The following SYT7 variants were observed in gnomAD, a reference collection of about 807,000 sequenced individuals.
SYT7 encodes the protein synaptotagmin-7.
In SYT7, 29 loss-of-function variants were observed where a neutral mutation model predicts 75.1. The observed-to-expected ratio is 0.39, with a 90% CI of 0.29 to 0.53. The LOEUF (loss-of-function observed/expected upper bound fraction) is 0.53, where lower values mean the gene tolerates loss of function less well. SYT7 is among the 20% of genes least tolerant of loss of function. The pLI is 0.77. For missense variants in SYT7, 693 were observed against 953.2 expected, an observed-to-expected ratio of 0.73 and a Z score of 3.59; for synonymous variants, 376 against 401.7, an observed-to-expected ratio of 0.94 and a Z score of 0.76.
chr11:61,568,768 A>G (rs995395121), intron 1 of SYT7, among the ~76,000 whole-genome samples: 1 of 152,226 alleles, frequency 6.6e-6, no homozygotes, highest in Non-Finnish European at 1.5e-5. Context: ...GGAAGAGAGT[A>G]ACACCTTGAA....
At chr11:61,566,325 C>G (rs965496794) in intron 1 of SYT7, among the ~76,000 whole-genome samples, 1 of 152,240 alleles carries the variant, frequency 6.6e-6, no homozygotes, top group Admixed American at 6.5e-5. Context: ...CCCACAATTC[C>G]TGGCCTAGGG....
At chr11:61,531,891 CAAA>C (rs58242073) in intron 8 of SYT7, among the ~76,000 whole-genome samples, 140 of 49,410 alleles carry the variant, frequency 2.8e-3, no homozygotes, top group African/African-American at 7.1e-3. Flanking sequence ...GATTCTGTCT[CAAA>C]AAAAAAAAAA....
rs930768884 is a variant in SYT7 at position 61,514,449 on chromosome 11, C to T, written c.*4178G>A. Among the ~76,000 whole-genome samples, 2 of 152,338 alleles carry T rather than the reference C, an allele frequency of 1.3e-5. No individual in the cohort carries two copies. The highest frequency in any genetic ancestry group is 2.4e-5 in the African/African-American group (1 of 41,572). ...GGAGCAGAGGGCGGATGGGATGGCC[C>T]GCTTCACTCCTGGTGGGGGCAGGGG... On this transcript the variant is annotated 3_prime_UTR_variant, in exon 13 of 13. Transcript: ENST00000539008.
rs1222997693 is a variant in SYT7 at position 61,553,229 on chromosome 11, T to C, written c.136-1766A>G. The stretch of plus-strand genomic sequence containing the variant: ...CAATTCCCAGTTCCAACTGGGAAGA[T>C]CCTATGCGGCTGTGCCACAGTGACC... On this transcript the variant is annotated intron_variant, in intron 2 of 12. Transcript: ENST00000539008. The surrounding 1 kb of genome is among the most constrained non-coding windows in gnomAD (Gnocchi z 5.2). Among the ~76,000 whole-genome samples the C allele has an allele frequency of 6.6e-6, 1 of 152,186 alleles. No homozygotes were observed. The highest frequency in any genetic ancestry group is 1.5e-5 in the Non-Finnish European group (1 of 68,032).
chr11:61,540,726 T>G (rs2063015981), intron 6 of SYT7: 1 of 985,306 alleles, frequency 1.0e-6, no homozygotes, highest in African/African-American at 1.7e-5. Context: ...GTGACAGCTG[T>G]GATAAGACAG....
In SYT7 at chr11:61,581,042, G is replaced by A. The variant is rs1464391683; in HGVS notation, c.-222C>T. 2.7e-4 allele frequency: 192 copies of A among 705,474 alleles called. No homozygotes were observed. The highest frequency in any genetic ancestry group is 3.1e-4 in the Non-Finnish European group (179 of 579,004). 43.7% of individuals were successfully genotyped at this position (705,474 alleles called of 1,614,324 possible). ...GCTGCCGCCGCCGCCGAACAGCGCC[G>A]AGCCGCCTCCCTCCGGCCTGCGCGC... is the stretch of plus-strand genomic sequence containing the variant. On this transcript the variant is annotated 5_prime_UTR_variant, in exon 1 of 13. Transcript: ENST00000539008.
chr11:61,556,301 A>C, intron 1 of SYT7, 94 bp from the exon 2 acceptor site: 9 of 971,642 alleles, frequency 9.3e-6, no homozygotes, highest in African/African-American at 1.6e-5. Flanking sequence ...CCTACCCTCC[A>C]TCTGGCCCCT....
intron 7 of SYT7, among the ~76,000 whole-genome samples, chr11:61,534,056 G>A (rs1359736052): frequency 1.3e-5 from 2 of 152,218 alleles, no homozygotes; most frequent in African/African-American, 4.8e-5. Flanking sequence ...TGGGGGTCAG[G>A]AAGGGGGCAC....
In SYT7 at chr11:61,514,040, G is replaced by A. The variant is rs989522593; in HGVS notation, c.*4587C>T. ...CAGGAGAAAGAAAACACCAGAGGGCGGTGGTCCCAGGTACAGGGAGGGGTG... is the reference window on the plus strand; with the variant it reads ...CAGGAGAAAGAAAACACCAGAGGGCAGTGGTCCCAGGTACAGGGAGGGGTG... On this transcript the variant is annotated 3_prime_UTR_variant, in exon 13 of 13. Coordinates refer to ENST00000539008, the MANE Select transcript of SYT7 (RefSeq NM_001365809.2). Among the ~76,000 whole-genome samples, 4 of 152,298 alleles carry A rather than the reference G, an allele frequency of 2.6e-5. No homozygotes were observed. The highest frequency in any genetic ancestry group is 4.8e-5 in the African/African-American group (2 of 41,554).
rs1234049283 is a variant in SYT7, at chr11:61,514,246, C to T, written c.*4381G>A. On this transcript the variant is annotated 3_prime_UTR_variant, in exon 13 of 13. Coordinates refer to ENST00000539008, the MANE Select transcript of SYT7 (RefSeq NM_001365809.2). ...GCTGCTTTCATGGAGAGCGCCTGAACAGAAGCTCTGGCCAAGGGAGCCCCT... is the reference window on the plus strand; with the variant it reads ...GCTGCTTTCATGGAGAGCGCCTGAATAGAAGCTCTGGCCAAGGGAGCCCCT... 1.3e-5 allele frequency among the ~76,000 whole-genome samples: 2 copies of T among 152,258 alleles called. No individual in the cohort carries two copies.
Position 61,528,212 on chromosome 11 carries a change from G to A in SYT7, c.1201-27C>T, listed in dbSNP as rs370435556. 19 of 1,603,686 alleles carry A rather than the reference G, an allele frequency of 1.2e-5. No individual in the cohort carries two copies. The African/African-American group carries it at 2.4e-4, about 20-fold the overall frequency. On this transcript the variant is annotated intron_variant, in intron 8 of 12. Transcript: ENST00000539008. ...TGGGGGTGGGGGAGAGGCCGGCAGG[G>A]TTTGGGGAGGATTCTGCTTCCCCCA... is the stretch of plus-strand genomic sequence containing the variant.
In SYT7 at chr11:61,542,713, T is replaced by C; in HGVS notation, c.573-134A>G. 7.3e-7 allele frequency: 1 copy of C among 1,362,436 alleles called. No individual in the cohort carries two copies. The highest frequency in any genetic ancestry group is 2.9e-5 in the East Asian group (1 of 34,032). The allele number at this position is 1,362,436 out of a possible 1,614,324, so 84.4% of individuals were successfully genotyped here. A position where few individuals can be genotyped will look rare whatever the true frequency, so the allele number is the denominator to read the frequency against. On this transcript the variant is annotated intron_variant, in intron 5 of 12. Transcript: ENST00000539008. The surrounding 1 kb of genome is among the most constrained non-coding windows in gnomAD (Gnocchi z 7.8). ...GCTGCCGGACCTCGCCAGGCCTCCA[T>C]CGGAGCTGTCGCCACCGCCGTCGCC...
Position 61,516,709 on chromosome 11 carries a change from T to G in SYT7, c.*1918A>C, listed in dbSNP as rs2134992438. ...GAGGATGCAGTTGGGGCCGACCCCA[T>G]TTTAAGCAAAGCTACAATATAGAAA... is the stretch of plus-strand genomic sequence containing the variant. On this transcript the variant is annotated 3_prime_UTR_variant, in exon 13 of 13. Coordinates refer to ENST00000539008, the MANE Select transcript of SYT7 (RefSeq NM_001365809.2). This position sits in a 1 kb window ranked among gnomAD's most constrained non-coding sequence, Gnocchi z 4.6. 6.6e-6 allele frequency: 1 copy of G among 152,326 alleles called. No homozygotes were observed. Among genetic ancestry groups the G allele is most frequent in the Admixed American group, 6.5e-5 (1 of 15,308 alleles). The allele number at this position is 152,326 out of a possible 1,614,324, so 9.4% of individuals were successfully genotyped here.
rs1023975002 is a variant in SYT7, at chr11:61,513,853, G to A, written c.*4774C>T. On this transcript the variant is annotated 3_prime_UTR_variant, in exon 13 of 13. Transcript: ENST00000539008. ...CACGCAGGACACAGACACGGGGAGC[G>A]GGGCGTCTTCACGGGAAACAGATGG... 5.9e-5 allele frequency among the ~76,000 whole-genome samples: 9 copies of A among 152,312 alleles called. No individual in the cohort carries two copies. The highest frequency in any genetic ancestry group is 2.1e-4 in the South Asian group (1 of 4,828).
intron 1 of SYT7, among the ~76,000 whole-genome samples, chr11:61,559,798 C>T (rs2063591984): frequency 6.6e-6 from 1 of 152,176 alleles, no homozygotes; most frequent in South Asian, 2.1e-4. Context: ...ATCCCAGAGT[C>T]CAGTGGGCAC....
chr11:61,516,482 G>C lies in SYT7; in HGVS notation c.*2145C>G, dbSNP rs1429709497. ...GGGCGAAGGCGCCTGGAAGGTGGGG[G>C]CTGGCTCACTGGGCGGTCTTCCGCG... On this transcript the variant is annotated 3_prime_UTR_variant, in exon 13 of 13. Transcript: ENST00000539008. The surrounding 1 kb of genome is among the most constrained non-coding windows in gnomAD (Gnocchi z 4.6). 6.6e-6 allele frequency: 1 copy of C among 152,186 alleles called. No homozygotes were observed. The highest frequency in any genetic ancestry group is 2.4e-5 in the African/African-American group (1 of 41,450). 9.4% of individuals were successfully genotyped at this position (152,186 alleles called of 1,614,324 possible).
chr11:61,534,434 C>T (rs1303428766), intron 7 of SYT7, among the ~76,000 whole-genome samples: 3 of 5,198 alleles, frequency 5.8e-4, no homozygotes, highest in Non-Finnish European at 1.2e-3. Flanking sequence ...CATACACACA[C>T]GCACACGCAC....
rs1287568041 is a variant in SYT7 at position 61,551,836 on chromosome 11, C to T, written c.136-373G>A. Reference sequence around the variant, plus strand: ...GCGCCTGGCCACGTCACACTGTCCACGTCACCGCCCCCAGATGGTGGGGGT... The same window carrying T: ...GCGCCTGGCCACGTCACACTGTCCATGTCACCGCCCCCAGATGGTGGGGGT... On this transcript the variant is annotated intron_variant, in intron 2 of 12. Coordinates refer to ENST00000539008, the MANE Select transcript of SYT7 (RefSeq NM_001365809.2). This position sits in a 1 kb window ranked among gnomAD's most constrained non-coding sequence, Gnocchi z 5.3. Among the ~76,000 whole-genome samples the T allele has an allele frequency of 2.6e-5, 4 of 152,184 alleles. No homozygotes were observed. Among genetic ancestry groups the T allele is most frequent in the African/African-American group, 7.2e-5 (3 of 41,446 alleles).
At chr11:61,520,056 GA>G (rs2062268171) in intron 12 of SYT7, among the ~76,000 whole-genome samples, 2 of 102,548 alleles carry the variant, frequency 2.0e-5, no homozygotes, top group African/African-American at 2.3e-4. Context: ...CTGACCTCGT[GA>G]TCTGGGCAAA....
Sources: allele counts gnomAD v4.1 joint callset (sites outside exome capture counted in the v4.1 genomes callset), GRCh38; gene constraint gnomAD v4.1.1; non-coding constraint Gnocchi (gnomAD v3.1); transcripts MANE v1.5; gene names NCBI Gene and HGNC (gene_info 2026-07-23, HGNC 2026-07-21).